GAREM2: variants seen among roughly 807,000 people sequenced by gnomAD.
GAREM2 encodes the protein GRB2 associated regulator of MAPK1 subtype 2, also known as GRB2-associated and regulator of MAPK protein 2.
GAREM2 carries 30 observed loss-of-function variants against 55.6 expected under a neutral mutation model. The observed-to-expected ratio is 0.54, with a 90% CI of 0.40 to 0.73. The LOEUF is 0.73. Ranked by LOEUF, GAREM2 falls within the 30% of genes least tolerant of loss-of-function variation. The probability of loss-of-function intolerance (pLI) is 0.00; values close to 1 mark genes in which losing one functional copy is unlikely to be tolerated. For synonymous variants in GAREM2, 550 were observed against 569.1 expected (o/e 0.97, Z 0.48); for missense variants, 1,075 against 1,257.7 (o/e 0.85, Z 2.20).
intron 2 of GAREM2, 44 bp downstream of exon 2, chr2:26,176,528 G>A: frequency 1.4e-6 from 2 of 1,444,310 alleles, no homozygotes; most frequent in Admixed American, 2.4e-5. Context: ...GTAGGGGGGT[G>A]TAGGCAGGAG....
chr2:26,191,758 A>C (rs1669512986), downstream of GAREM2: 1 of 906,354 alleles, frequency 1.1e-6, no homozygotes, highest in Non-Finnish European at 1.8e-6. Flanking sequence ...TGGCCCTCAG[A>C]GAAGATGCTG....
intron 2 of GAREM2, among the ~76,000 whole-genome samples, chr2:26,176,764 A>C (rs939217748): frequency 6.6e-6 from 1 of 152,182 alleles, no homozygotes; most frequent in Non-Finnish European, 1.5e-5. Context: ...GCTTAACCCT[A>C]ATCAGAGGCC....
intron 5 of GAREM2, 33 bp downstream of exon 5, chr2:26,186,391 T>C (rs776701567): frequency 2.6e-6 from 4 of 1,541,960 alleles, no homozygotes; most frequent in Non-Finnish European, 3.5e-6. Context: ...TCCTGAGTTC[T>C]AAGGTAGATC....
chr2:26,175,311 C>T (rs1314261300), intron 1 of GAREM2, among the ~76,000 whole-genome samples: 1 of 152,138 alleles, frequency 6.6e-6, no homozygotes, highest in Admixed American at 6.5e-5. Context: ...CCCTGGAAAC[C>T]GTTGCTGGGG....
downstream of GAREM2, chr2:26,190,749 T>C: frequency 4.7e-6 from 1 of 211,868 alleles, no homozygotes; most frequent in Non-Finnish European, 9.6e-6. Context: ...CTTTCTCTCA[T>C]CCCAGTCCCT....
the GAREM2 span, chr2:26,201,077 T>C: frequency 8.7e-7 from 1 of 1,144,702 alleles, no homozygotes; most frequent in Non-Finnish European, 1.3e-6. Context: ...TTCCTATAGC[T>C]CCTTTAAAAA....
At chr2:26,174,672 T>A (rs2147717885) in intron 1 of GAREM2, among the ~76,000 whole-genome samples, 1 of 152,346 alleles carries the variant, frequency 6.6e-6, no homozygotes, top group Admixed American at 6.5e-5. Context: ...AGCTGTCTGT[T>A]GTGTGTGACA....
At chr2:26,203,783 T>TA in the GAREM2 span, among the ~76,000 whole-genome samples, 2 of 152,224 alleles carry the variant, frequency 1.3e-5, no homozygotes, top group African/African-American at 4.8e-5. Context: ...ATCTACTAGA[T>TA]AAGATTTTCC....
At chr2:26,197,679 T>A in the GAREM2 span, 1 of 1,231,034 alleles carries the variant, frequency 8.1e-7, no homozygotes, top group Non-Finnish European at 1.2e-6. Context: ...TTTTTCTCTG[T>A]TCCGAGTTTA....
chr2:26,192,310 A>G, downstream of GAREM2: 2 of 1,515,550 alleles, frequency 1.3e-6, no homozygotes, highest in Non-Finnish European at 1.8e-6. Flanking sequence ...ACGGACTTAC[A>G]CTTCAGACTT....
chr2:26,192,801 T>C (rs556118182), downstream of GAREM2, among the ~76,000 whole-genome samples: 1 of 152,300 alleles, frequency 6.6e-6, no homozygotes, highest in African/African-American at 2.4e-5. Context: ...TGGTCTATTA[T>C]AAAGCTCTGG....
the GAREM2 span, chr2:26,201,271 A>G: frequency 1.4e-5 from 22 of 1,611,696 alleles, no homozygotes; most frequent in Non-Finnish European, 1.8e-5. Flanking sequence ...CTGAAGATGG[A>G]ATCCCTTTCA....
chr2:26,195,223 T>C, the GAREM2 span: 1 of 1,613,318 alleles, frequency 6.2e-7, no homozygotes, highest in East Asian at 2.2e-5. Flanking sequence ...AAGTAGTGCA[T>C]GCCAATCACC....
the GAREM2 span, among the ~76,000 whole-genome samples, chr2:26,198,398 C>CA: frequency 6.1e-5 from 9 of 147,140 alleles, no homozygotes; most frequent in African/African-American, 2.3e-4. Context: ...TTTTTAAAGA[C>CA]AGAGTCTCGC....
chr2:26,193,422 C>G (rs1245172834), downstream of GAREM2, among the ~76,000 whole-genome samples: 1 of 151,924 alleles, frequency 6.6e-6, no homozygotes, highest in Middle Eastern at 3.4e-3. Context: ...TGCTACCGCA[C>G]CTGACTCATA....
the GAREM2 span, among the ~76,000 whole-genome samples, chr2:26,195,743 A>C: frequency 6.6e-6 from 1 of 152,206 alleles, no homozygotes; most frequent in Non-Finnish European, 1.5e-5. Context: ...TTAAACCAGC[A>C]GTTCTCCAAG....
chr2:26,176,864 G>A (rs570460569), intron 2 of GAREM2, among the ~76,000 whole-genome samples: 13 of 152,082 alleles, frequency 8.5e-5, no homozygotes, highest in Non-Finnish European at 1.5e-4. Context: ...TCTGTACCGC[G>A]CAACCAAATA....
chr2:26,186,491 T>G (rs1369229975), intron 5 of GAREM2, 133 bp downstream of exon 5: 3 of 828,104 alleles, frequency 3.6e-6, no homozygotes, highest in Non-Finnish European at 5.6e-6. Flanking sequence ...CAGCTCCCTG[T>G]GCAGTGGCTC....
intron 2 of GAREM2, among the ~76,000 whole-genome samples, chr2:26,178,889 A>AGGCGGAGGC (rs59398334): frequency 6.1e-4 from 91 of 149,820 alleles, no homozygotes; most frequent in African/African-American, 1.5e-3. Context: ...GGAGGGGAGG[A>AGGCGGAGGC]GGAGGCGGAG....
Sources: allele counts gnomAD v4.1 joint callset (sites outside exome capture counted in the v4.1 genomes callset), GRCh38; gene constraint gnomAD v4.1.1; transcripts MANE v1.5; gene names NCBI Gene and HGNC (gene_info 2026-07-23, HGNC 2026-07-21).